The following MEI4 variants were observed in gnomAD, a reference collection of about 807,000 sequenced individuals.
The protein encoded by MEI4 is meiotic double-stranded break formation protein 4, also known as meiosis-specific protein MEI4.
A neutral mutation model predicts 31.4 loss-of-function variants in MEI4; 27 were observed. The observed-to-expected ratio is 0.86, with a 90% CI of 0.63 to 1.19. The LOEUF is 1.19. MEI4 is among the 50% of genes most tolerant of loss of function. The pLI is 0.00. For synonymous variants in MEI4, 122 were observed against 145.4 expected (o/e 0.84, Z 1.16); for missense variants, 329 against 398.9 (o/e 0.82, Z 1.49).
intron 3 of MEI4, among the ~76,000 whole-genome samples, chr6:77,809,899 G>A (rs1441312144): frequency 3.3e-5 from 5 of 151,938 alleles, no homozygotes; most frequent in African/African-American, 9.7e-5. Context: ...ATTTTAATTT[G>A]CTAAGTCTAG....
chr6:77,803,112 T>A (rs1445956815), intron 3 of MEI4, among the ~76,000 whole-genome samples: 1 of 152,218 alleles, frequency 6.6e-6, no homozygotes, highest in Admixed American at 6.5e-5. Context: ...GGTACACCAA[T>A]CAGTTGTAGA....
intron 4 of MEI4, among the ~76,000 whole-genome samples, chr6:77,917,976 T>A (rs1257075964): frequency 6.6e-6 from 1 of 151,720 alleles, no homozygotes; most frequent in Non-Finnish European, 1.5e-5. Context: ...AGTTTCAGCT[T>A]TCTACATATG....
chr6:77,700,929 A>G (rs1216962101), intron 2 of MEI4, among the ~76,000 whole-genome samples: 1 of 152,166 alleles, frequency 6.6e-6, no homozygotes, highest in Non-Finnish European at 1.5e-5. Flanking sequence ...TTACTAATTT[A>G]TGGAATGAAA....
At position 77,690,730 on chromosome 6, in the gene MEI4, T is replaced by C. The variant is rs1769142502; in HGVS notation, c.59T>C (p.Ile20Thr). 2 of 1,231,478 alleles carry C rather than the reference T, an allele frequency of 1.6e-6. No individual in the cohort carries two copies. Among genetic ancestry groups the C allele is most frequent in the South Asian group, 4.1e-5 (1 of 24,324 alleles). 76.3% of individuals were successfully genotyped at this position (1,231,478 alleles called of 1,614,324 possible). Reference sequence around the variant, plus strand: ...AAGCTGGCTCTGGCCTTGGCAATTATCCGCTCAAAACCAGCAGACAAAAGC... The same window carrying C: ...AAGCTGGCTCTGGCCTTGGCAATTACCCGCTCAAAACCAGCAGACAAAAGC... ...TSKLALALAI[I>T]RSKPADKSSR... is the part of the protein sequence containing the mutation. The change falls in exon 2 of 5, where the codon ATC (isoleucine) becomes ACC (threonine). Residue 20 changes from isoleucine to threonine, a missense_variant. By Grantham distance (89) the Ile-to-Thr change is moderately conservative. Transcript: ENST00000684080.
chr6:77,676,485 C>T (rs1319393475), intron 1 of MEI4, among the ~76,000 whole-genome samples: 1 of 151,964 alleles, frequency 6.6e-6, no homozygotes, highest in African/African-American at 2.4e-5. Context: ...CGTGATCATG[C>T]CACTGCACTC....
In MEI4 at chr6:77,820,046, C is replaced by G. The variant is rs767507050; in HGVS notation, c.769-8885C>G. On this transcript the variant is annotated intron_variant, in intron 3 of 4. Transcript: ENST00000684080. The surrounding 1 kb of genome is among the most constrained non-coding windows in gnomAD (Gnocchi z 4.5). ...TTATAAGCTTTCTGAGGACCTAAAT[C>G]TTATTTTTTTCTGAATGGTTTTCCT... Among the ~76,000 whole-genome samples the G allele has an allele frequency of 4.6e-5, 7 of 151,844 alleles. No homozygotes were observed. Among genetic ancestry groups the G allele is most frequent in the Non-Finnish European group, 8.8e-5 (6 of 67,946 alleles).
intron 2 of MEI4, among the ~76,000 whole-genome samples, chr6:77,713,904 G>T (rs1482329416): frequency 2.6e-5 from 4 of 150,990 alleles, no homozygotes; most frequent in Admixed American, 1.3e-4. Flanking sequence ...TGCCTCTACA[G>T]TTTTTTTTTC....
chr6:77,826,595 G>A (rs1769956016), intron 3 of MEI4, among the ~76,000 whole-genome samples: 1 of 152,140 alleles, frequency 6.6e-6, no homozygotes, highest in Non-Finnish European at 1.5e-5. Flanking sequence ...AATTCACAAA[G>A]GCCTATCAAG....
chr6:77,767,110 G>A (rs541924838), intron 3 of MEI4, among the ~76,000 whole-genome samples: 5 of 152,040 alleles, frequency 3.3e-5, no homozygotes, highest in African/African-American at 4.8e-5. Flanking sequence ...GGCTGGGCGC[G>A]GTGGCTCACA....
chr6:77,903,144 T>G (rs965907985), intron 4 of MEI4, among the ~76,000 whole-genome samples: 1 of 152,148 alleles, frequency 6.6e-6, no homozygotes, highest in Non-Finnish European at 1.5e-5. Flanking sequence ...TATTTCCTTT[T>G]TTTCTTTCTT....
intron 4 of MEI4, among the ~76,000 whole-genome samples, chr6:77,841,331 A>ACAT (rs1275587855): frequency 2.8e-5 from 1 of 35,480 alleles, no homozygotes; most frequent in African/African-American, 2.7e-4. Flanking sequence ...ATATATATAT[A>ACAT]TATTTTTTTT....
At chr6:77,782,604 A>G (rs537276786) in intron 3 of MEI4, among the ~76,000 whole-genome samples, 1,721 of 152,252 alleles carry the variant, frequency 0.011, 29 homozygotes, top group African/African-American at 0.039. Context: ...GAAAGAGGGA[A>G]GTCACATGTT....
chr6:77,776,344 T>C lies in MEI4; in HGVS notation c.768+14679T>C, dbSNP rs975282184. ...CTCTTACCCTTTGATTTTAATAAAA[T>C]ATCTATGCCTTCTTCCAAATAGGCC... On this transcript the variant is annotated intron_variant, in intron 3 of 4. Transcript: ENST00000684080. Among the ~76,000 whole-genome samples the C allele has an allele frequency of 3.9e-5, 6 of 152,124 alleles. No homozygotes were observed. In the South Asian group the frequency reaches 6.2e-4, roughly 16 times the overall value.
chr6:77,688,712 G>C (rs1343456852), intron 1 of MEI4, among the ~76,000 whole-genome samples: 1 of 152,020 alleles, frequency 6.6e-6, no homozygotes. Context: ...TTGAATGTGA[G>C]ATTCTTTTCT....
chr6:77,775,068 ATC>A (rs1162409220), intron 3 of MEI4, among the ~76,000 whole-genome samples: 2 of 152,034 alleles, frequency 1.3e-5, no homozygotes, highest in Non-Finnish European at 2.9e-5. Context: ...TTTGTCTAAT[ATC>A]TCTCTGCCTC....
chr6:77,791,848 C>A (rs149709810), intron 3 of MEI4, among the ~76,000 whole-genome samples: 1 of 152,102 alleles, frequency 6.6e-6, no homozygotes, highest in Non-Finnish European at 1.5e-5. Flanking sequence ...TGTAGTATAA[C>A]CATTTTTACA....
intron 2 of MEI4, among the ~76,000 whole-genome samples, chr6:77,746,638 C>CGT (rs5877568): frequency 0.024 from 3,212 of 136,554 alleles, 51 homozygotes; most frequent in Middle Eastern, 0.057. Flanking sequence ...AAATATATGG[C>CGT]GTGTGTGTGT....
chr6:77,771,872 C>T (rs985087632), intron 3 of MEI4, among the ~76,000 whole-genome samples: 1 of 152,066 alleles, frequency 6.6e-6, no homozygotes, highest in South Asian at 2.1e-4. Context: ...ATAATCTGTA[C>T]ACCAAACCTC....
At chr6:77,902,452 T>C (rs1766204989) in intron 4 of MEI4, among the ~76,000 whole-genome samples, 1 of 152,164 alleles carries the variant, frequency 6.6e-6, no homozygotes, top group Non-Finnish European at 1.5e-5. Context: ...CTTAAGTATT[T>C]TGGATTTTTG....
Sources: gnomAD v4.1 joint callset for allele counts (sites outside exome capture counted in the v4.1 genomes callset) on GRCh38, gnomAD v4.1.1 for gene constraint, Gnocchi (gnomAD v3.1) non-coding constraint, MANE v1.5 for transcripts, NCBI Gene and HGNC (gene_info 2026-07-23, HGNC 2026-07-21) for gene names.